Variants in STK39 observed in about 807,000 individuals in gnomAD.
STK39 encodes serine/threonine kinase 39, also known as STE20/SPS1-related proline-alanine-rich protein kinase.
A neutral mutation model predicts 77.8 loss-of-function variants in STK39; 20 were observed. That is an observed-to-expected ratio of 0.26 (90% CI 0.18 to 0.37). The LOEUF (loss-of-function observed/expected upper bound fraction) is 0.37. STK39 is among the 10% of genes least tolerant of loss of function. The pLI is 1.00. For missense variants in STK39, 479 were observed against 656.5 expected (o/e 0.73, Z 2.95); for synonymous variants, 246 against 234.1 (o/e 1.05, Z -0.47).
intron 3 of STK39, among the ~76,000 whole-genome samples, chr2:168,165,583 T>C (rs1210035382): frequency 6.6e-6 from 1 of 151,920 alleles, no homozygotes; most frequent in Non-Finnish European, 1.5e-5. Context: ...TTTCTTTTCC[T>C]TTTTCTTTTT....
intron 1 of STK39, among the ~76,000 whole-genome samples, chr2:168,240,113 G>A (rs76105004): frequency 0.032 from 4,933 of 152,316 alleles, 418 homozygotes; most frequent in East Asian, 0.23. Context: ...TCTTGGAATG[G>A]TGTTCCAAGC....
intron 10 of STK39, among the ~76,000 whole-genome samples, chr2:168,076,668 T>C (rs561598761): frequency 5.3e-5 from 8 of 152,218 alleles, no homozygotes; most frequent in African/African-American, 1.9e-4. Flanking sequence ...TAATTGCAAA[T>C]AGTTATGCTC....
rs538457946 is a variant in STK39 at position 168,217,637 on chromosome 2, T to C, written c.208+29591A>G. ...TGATGTAGTATTTGCATATAACCTATGCATATCTTCCTGTATACTTTAATC... is the reference window on the plus strand; with the variant it reads ...TGATGTAGTATTTGCATATAACCTACGCATATCTTCCTGTATACTTTAATC... On this transcript the variant is annotated intron_variant, in intron 1 of 17. Coordinates refer to ENST00000355999, the MANE Select transcript of STK39 (RefSeq NM_013233.3). Among the ~76,000 whole-genome samples, 21 of 152,360 alleles carry C rather than the reference T, an allele frequency of 1.4e-4. No individual in the cohort carries two copies. In the South Asian group the frequency reaches 1.4e-3, roughly 11 times the overall value.
In STK39 at chr2:168,110,719, T is replaced by C. The variant is rs557253411; in HGVS notation, c.1089+18822A>G. ...CCCTTTATCATTTGTCTATCCCTAATGTCACAATGTTTTATTGAGTTACAC... is the reference window on the plus strand; with the variant it reads ...CCCTTTATCATTTGTCTATCCCTAACGTCACAATGTTTTATTGAGTTACAC... On this transcript the variant is annotated intron_variant, in intron 10 of 17. Coordinates refer to ENST00000355999, the MANE Select transcript of STK39 (RefSeq NM_013233.3). Among the ~76,000 whole-genome samples, 6 of 152,328 alleles carry C rather than the reference T, an allele frequency of 3.9e-5. 1 individual carries two copies. The highest frequency in any genetic ancestry group is 1.4e-4 in the African/African-American group (6 of 41,586).
At chr2:168,171,493 ATTT>A (rs11305638) in intron 2 of STK39, among the ~76,000 whole-genome samples, 1 of 143,250 alleles carries the variant, frequency 7.0e-6, no homozygotes, top group African/African-American at 2.6e-5. Context: ...AAAAAACTTA[ATTT>A]TTTTTTTTTT....
chr2:168,139,703 C>T (rs954120931), intron 7 of STK39, among the ~76,000 whole-genome samples: 2 of 151,942 alleles, frequency 1.3e-5, no homozygotes, highest in African/African-American at 2.4e-5. Context: ...AAACAAAATC[C>T]AGTTGGGTAA....
In STK39 at chr2:167,990,834, G is replaced by T. The variant is rs114944666; in HGVS notation, c.1498+21800C>A. Among the ~76,000 whole-genome samples the T allele has an allele frequency of 2.0e-3, 308 of 152,204 alleles. 1 individual carries two copies. Among genetic ancestry groups the T allele is most frequent in the African/African-American group, 7.1e-3 (297 of 41,544 alleles). On this transcript the variant is annotated intron_variant, in intron 16 of 17. Coordinates refer to ENST00000355999, the MANE Select transcript of STK39 (RefSeq NM_013233.3). ...GATTCATTGGTCAACAAATTCCTGC[G>T]TACATGGAGCTTAGTCCTGTGATAG...
At position 167,999,804 on chromosome 2, in the gene STK39, G is replaced by C. The variant is rs186024141; in HGVS notation, c.1498+12830C>G. On this transcript the variant is annotated intron_variant, in intron 16 of 17. Coordinates refer to ENST00000355999, the MANE Select transcript of STK39 (RefSeq NM_013233.3). ...TTATTGAATGAATGAATGAAGTACA[G>C]TTGCTTAAGGGCCTGGATGACAAAG... Among the ~76,000 whole-genome samples, 147 of 152,286 alleles carry C rather than the reference G, an allele frequency of 9.7e-4. 1 individual carries two copies. The Middle Eastern group carries it at 0.01, about 11-fold the overall frequency.
At chr2:168,016,387 C>CA (rs869084308) in intron 15 of STK39, among the ~76,000 whole-genome samples, 11,031 of 65,620 alleles carry the variant, frequency 0.17, 2,351 homozygotes, top group Non-Finnish European at 0.19. Context: ...GGCCTTTGTT[C>CA]AAAAAAAAAA....
chr2:168,048,033 A>G (rs2105362036), intron 14 of STK39, among the ~76,000 whole-genome samples: 1 of 152,334 alleles, frequency 6.6e-6, no homozygotes, highest in East Asian at 1.9e-4. Flanking sequence ...AAAATTTTTT[A>G]AAAGAGTAGT....
chr2:168,232,445 C>T (rs767570933), intron 1 of STK39, among the ~76,000 whole-genome samples: 1 of 152,110 alleles, frequency 6.6e-6, no homozygotes, highest in African/African-American at 2.4e-5. Context: ...CTACATATGG[C>T]TAAAAATAAT....
At chr2:168,136,150 C>T (rs762094357) in intron 8 of STK39, among the ~76,000 whole-genome samples, 9 of 151,776 alleles carry the variant, frequency 5.9e-5, no homozygotes, top group Non-Finnish European at 1.0e-4. Context: ...GGGCGAATCA[C>T]GAGGTCAGGA....
Position 168,129,698 on chromosome 2 carries a change from T to G in STK39, c.1023+12A>C. 1 of 1,614,096 alleles carries G rather than the reference T, an allele frequency of 6.2e-7. No individual in the cohort carries two copies. The highest frequency in any genetic ancestry group is 8.5e-7 in the Non-Finnish European group (1 of 1,179,958). On this transcript the variant is annotated intron_variant, in intron 9 of 17. Transcript: ENST00000355999. ...AAAATAGCAGATTTACTTGGGTTTT[T>G]AAGCATGTTACCTTGGCTTTCTGGA...
chr2:167,989,207 G>A (rs527731347), intron 16 of STK39, among the ~76,000 whole-genome samples: 1 of 152,242 alleles, frequency 6.6e-6, no homozygotes, highest in East Asian at 1.9e-4. Context: ...AAGCAATAAT[G>A]CTAGTCATTC....
chr2:168,193,062 A>C (rs1689379023), intron 1 of STK39, among the ~76,000 whole-genome samples: 1 of 152,202 alleles, frequency 6.6e-6, no homozygotes, highest in South Asian at 2.1e-4. Flanking sequence ...TTCTCAGGTA[A>C]TTAAACAGCC....
At chr2:168,006,327 C>T (rs908967368) in intron 16 of STK39, among the ~76,000 whole-genome samples, 4 of 152,202 alleles carry the variant, frequency 2.6e-5, no homozygotes, top group Non-Finnish European at 4.4e-5. Flanking sequence ...TCTTCTATAG[C>T]TGAGGTTCTA....
chr2:168,247,305 G>T lies in STK39; in HGVS notation c.131C>A (p.Ala44Asp). The T allele has an allele frequency of 9.6e-7, 1 of 1,037,164 alleles. No homozygotes were observed. The highest frequency in any genetic ancestry group is 1.2e-6 in the Non-Finnish European group (1 of 861,608). The allele number at this position is 1,037,164 out of a possible 1,614,324, so 64.2% of individuals were successfully genotyped here. A position where few individuals can be genotyped will look rare whatever the true frequency, so the allele number is the denominator to read the frequency against. The change falls in exon 1 of 18, where the codon GCC becomes GAC. Residue 44 changes from alanine (A) to aspartate (D), a missense_variant. Around this residue, in one of 3 missense-constraint regions of STK39, gnomAD observed 96 missense variants for 79.1 expected, o/e 1.21. Coordinates refer to ENST00000355999, the MANE Select transcript of STK39 (RefSeq NM_013233.3). ...APAPAAPAAP[A>D]PAPAPAAQAV... ...CTGTGCCGCCGGGGCCGGGGCCGGG[G>T]CCGGGGCCGCGGGAGCTGCCGGGGC...
chr2:168,196,428 C>A (rs1689471150), intron 1 of STK39, among the ~76,000 whole-genome samples: 1 of 152,142 alleles, frequency 6.6e-6, no homozygotes, highest in South Asian at 2.1e-4. Context: ...TTTGGGAGGC[C>A]AAGGCAGGTG....
At chr2:167,989,090 T>C (rs1484672206) in intron 16 of STK39, among the ~76,000 whole-genome samples, 2 of 152,150 alleles carry the variant, frequency 1.3e-5, no homozygotes, top group Non-Finnish European at 2.9e-5. Flanking sequence ...AGATGAAAGA[T>C]TAGGCCAGGG....
Sources: allele counts gnomAD v4.1 joint callset (sites outside exome capture counted in the v4.1 genomes callset), GRCh38; gene constraint gnomAD v4.1.1; regional missense constraint gnomAD v4.1.1; transcripts MANE v1.5; gene names NCBI Gene and HGNC (gene_info 2026-07-23, HGNC 2026-07-21).